RALYL: variants seen among roughly 807,000 people sequenced by gnomAD.
RALYL encodes RNA-binding Raly-like protein.
Under a neutral mutation model 35.1 loss-of-function variants are expected in RALYL, and 29 were observed. That is an observed-to-expected ratio of 0.83 (90% CI 0.61 to 1.13). The LOEUF (loss-of-function observed/expected upper bound fraction) is 1.13, where lower values mean the gene tolerates loss of function less well. Ranked by LOEUF, RALYL falls within the 50% of genes most tolerant of loss-of-function variation. The probability of loss-of-function intolerance (pLI) is 0.00; values close to 1 mark genes in which losing one functional copy is unlikely to be tolerated. For missense variants in RALYL, 359 were observed against 360.4 expected (o/e 1.00, Z 0.03); for synonymous variants, 120 against 127.6 (o/e 0.94, Z 0.40).
At chr8:84,802,786 G>A (rs1823650538) in intron 3 of RALYL, among the ~76,000 whole-genome samples, 1 of 152,180 alleles carries the variant, frequency 6.6e-6, no homozygotes, top group Non-Finnish European at 1.5e-5. Context: ...TGGCAGCATT[G>A]ATGGAAGCTT....
At chr8:84,241,276 T>C (rs1010596225) in intron 1 of RALYL, among the ~76,000 whole-genome samples, 9 of 152,168 alleles carry the variant, frequency 5.9e-5, no homozygotes, top group African/African-American at 2.2e-4. Context: ...TTTCTCTATA[T>C]AGTCTCTGCT....
chr8:84,407,356 G>A (rs112072961), intron 1 of RALYL, among the ~76,000 whole-genome samples: 3 of 152,266 alleles, frequency 2.0e-5, no homozygotes, highest in African/African-American at 7.2e-5. Flanking sequence ...GCAGTGAACA[G>A]TATCTTATTT....
chr8:84,217,902 A>G (rs181020737), intron 1 of RALYL, among the ~76,000 whole-genome samples: 1 of 152,192 alleles, frequency 6.6e-6, no homozygotes, highest in East Asian at 1.9e-4. Flanking sequence ...TTTCTTTTTT[A>G]AAAACATACA....
intron 3 of RALYL, among the ~76,000 whole-genome samples, chr8:84,789,781 C>G (rs916072353): frequency 6.6e-6 from 1 of 152,102 alleles, no homozygotes; most frequent in Non-Finnish European, 1.5e-5. Flanking sequence ...TCACTTGAGC[C>G]TACTTGCAGT....
chr8:84,726,278 T>G (rs1844934955), intron 2 of RALYL, among the ~76,000 whole-genome samples: 1 of 146,770 alleles, frequency 6.8e-6, no homozygotes, highest in Non-Finnish European at 1.5e-5. Flanking sequence ...TATATTTTAT[T>G]TATATATTTT....
chr8:84,911,615 T>C (rs1847526561), intron 8 of RALYL, among the ~76,000 whole-genome samples: 1 of 152,080 alleles, frequency 6.6e-6, no homozygotes, highest in East Asian at 1.9e-4. Flanking sequence ...TCACAGTATC[T>C]ATCTGGAGAT....
chr8:84,537,474 C>CAA (rs397978512), intron 2 of RALYL, among the ~76,000 whole-genome samples: 15 of 84,926 alleles, frequency 1.8e-4, no homozygotes, highest in Admixed American at 3.8e-4. Context: ...AATCCTGTCT[C>CAA]AAAAAAAAAA....
At chr8:84,238,076 G>A (rs1356723056) in intron 1 of RALYL, among the ~76,000 whole-genome samples, 3 of 151,978 alleles carry the variant, frequency 2.0e-5, no homozygotes, top group South Asian at 2.1e-4. Flanking sequence ...ATTAATAACC[G>A]TAATGTTAAG....
At position 84,199,915 on chromosome 8, in the gene RALYL, T is replaced by C. The variant is rs146665324; in HGVS notation, c.-24+15491T>C. ...ACCTAGTAAATGTCATGGAAAGAAC[T>C]TATCTCTGCCAATTGCATTGGAAGG... On this transcript the variant is annotated intron_variant, in intron 1 of 8. Transcript: ENST00000521268. 3.3e-5 allele frequency among the ~76,000 whole-genome samples: 5 copies of C among 152,314 alleles called. No homozygotes were observed. The East Asian group carries it at 7.7e-4, about 24-fold the overall frequency.
At chr8:84,585,205 A>G (rs1231462042) in intron 2 of RALYL, among the ~76,000 whole-genome samples, 1 of 152,090 alleles carries the variant, frequency 6.6e-6, no homozygotes, top group Non-Finnish European at 1.5e-5. Context: ...GTATTGATCT[A>G]TATGCCATGA....
At chr8:84,340,688 G>C (rs373556064) in intron 1 of RALYL, among the ~76,000 whole-genome samples, 1 of 152,024 alleles carries the variant, frequency 6.6e-6, no homozygotes, top group Non-Finnish European at 1.5e-5. Context: ...TCAATTGCTT[G>C]TATATAATAC....
chr8:84,204,318 A>G (rs1817589092), intron 1 of RALYL, among the ~76,000 whole-genome samples: 1 of 152,132 alleles, frequency 6.6e-6, no homozygotes, highest in South Asian at 2.1e-4. Flanking sequence ...AAATATCTAG[A>G]AAAACACTGA....
chr8:84,288,428 C>T (rs538056371), intron 1 of RALYL, among the ~76,000 whole-genome samples: 2 of 152,286 alleles, frequency 1.3e-5, no homozygotes, highest in African/African-American at 4.8e-5. Context: ...CAAACTGTGA[C>T]AGGGCCTCAT....
chr8:84,680,058 T>A, intron 2 of RALYL, among the ~76,000 whole-genome samples: 1 of 151,924 alleles, frequency 6.6e-6, no homozygotes, highest in Non-Finnish European at 1.5e-5. Flanking sequence ...TGTCCATGTG[T>A]TCTCATTGTT....
At chr8:84,842,523 G>A (rs1297113920) in intron 4 of RALYL, among the ~76,000 whole-genome samples, 9 of 152,104 alleles carry the variant, frequency 5.9e-5, no homozygotes, top group East Asian at 3.8e-4. Context: ...ATTCACAGCC[G>A]AATTCTACCA....
At chr8:84,481,773 A>C (rs711024) in intron 1 of RALYL, among the ~76,000 whole-genome samples, 141,208 of 152,070 alleles carry the variant, frequency 0.93, 65,692 homozygotes, top group East Asian at 1. Flanking sequence ...TAAAACTAAT[A>C]TATGGAAATA....
intron 2 of RALYL, among the ~76,000 whole-genome samples, chr8:84,759,878 TAAAC>T (rs2133348695): frequency 6.6e-6 from 1 of 152,284 alleles, no homozygotes; most frequent in Non-Finnish European, 1.5e-5. Flanking sequence ...AGGTTACTGA[TAAAC>T]AATATCTTTT....
At chr8:84,615,312 C>G (rs1263063554) in intron 2 of RALYL, among the ~76,000 whole-genome samples, 1 of 148,854 alleles carries the variant, frequency 6.7e-6, no homozygotes, top group Non-Finnish European at 1.5e-5. Flanking sequence ...AAAGAGCCCC[C>G]TTTCCTGCTA....
At chr8:84,762,191 C>T (rs924099371) in intron 2 of RALYL, among the ~76,000 whole-genome samples, 4 of 152,102 alleles carry the variant, frequency 2.6e-5, no homozygotes, top group Admixed American at 6.6e-5. Context: ...ATACAGATGG[C>T]GCACTTCAAA....
Sources: gnomAD v4.1 joint callset for allele counts (sites outside exome capture counted in the v4.1 genomes callset) on GRCh38, gnomAD v4.1.1 for gene constraint, MANE v1.5 for transcripts, NCBI Gene and HGNC (gene_info 2026-07-23, HGNC 2026-07-21) for gene names.